The following KCNH1 variants were observed in gnomAD, a reference collection of about 807,000 sequenced individuals.
KCNH1 encodes the protein voltage-gated delayed rectifier potassium channel KCNH1.
KCNH1 carries 27 observed loss-of-function variants against 69.2 expected under a neutral mutation model. The observed-to-expected ratio is 0.39, with a 90% CI of 0.29 to 0.54. KCNH1 has a LOEUF of 0.54. Ranked by LOEUF, KCNH1 falls within the 20% of genes least tolerant of loss-of-function variation. KCNH1 has a pLI of 0.68. For missense variants in KCNH1, 798 were observed against 1,261.6 expected (o/e 0.63, Z 5.57); for synonymous variants, 456 against 487.7 (o/e 0.93, Z 0.86).
chr1:210,774,249 G>T (rs1683814140), intron 10 of KCNH1, among the ~76,000 whole-genome samples: 1 of 152,202 alleles, frequency 6.6e-6, no homozygotes, highest in Non-Finnish European at 1.5e-5. Context: ...ACTGAGGGCA[G>T]ACACGAGGCA....
At position 211,069,229 on chromosome 1, in the gene KCNH1, C is replaced by T. The variant is rs185159885; in HGVS notation, c.558+13551G>A. 1.1e-4 allele frequency among the ~76,000 whole-genome samples: 17 copies of T among 152,206 alleles called. No homozygotes were observed. In the East Asian group the frequency reaches 3.3e-3, roughly 29 times the overall value. Reference sequence around the variant, plus strand: ...AACTCGTGAAATTCATAGCCCGGGGCACAGACTCACTAAAAACTGAGACCT... The same window carrying T: ...AACTCGTGAAATTCATAGCCCGGGGTACAGACTCACTAAAAACTGAGACCT... On this transcript the variant is annotated intron_variant, in intron 5 of 10. Transcript: ENST00000271751.
At chr1:210,913,110 G>C (rs1219846563) in intron 7 of KCNH1, among the ~76,000 whole-genome samples, 3 of 152,198 alleles carry the variant, frequency 2.0e-5, no homozygotes, top group Non-Finnish European at 4.4e-5. Context: ...GTAGTCTAAG[G>C]TTGTGTCCAA....
intron 2 of KCNH1, among the ~76,000 whole-genome samples, chr1:211,105,912 T>C (rs1691340481): frequency 6.6e-6 from 1 of 152,258 alleles, no homozygotes; most frequent in Non-Finnish European, 1.5e-5. Flanking sequence ...AATTTTCTAT[T>C]TCTCAGTCCC....
chr1:211,038,173 G>A (rs1035881506), intron 5 of KCNH1, among the ~76,000 whole-genome samples: 1 of 151,992 alleles, frequency 6.6e-6, no homozygotes, highest in African/African-American at 2.4e-5. Flanking sequence ...GTGTTAGCCA[G>A]GATGGTCTCG....
At chr1:211,010,068 GT>G (rs1161609472) in intron 6 of KCNH1, among the ~76,000 whole-genome samples, 1 of 152,186 alleles carries the variant, frequency 6.6e-6, no homozygotes, top group Non-Finnish European at 1.5e-5. Flanking sequence ...GGAATTCCAC[GT>G]GAGCTGAAGT....
intron 6 of KCNH1, among the ~76,000 whole-genome samples, chr1:211,015,215 A>G (rs1689471491): frequency 1.3e-5 from 2 of 152,298 alleles, no homozygotes; most frequent in South Asian, 4.1e-4. Context: ...ACATTCAGCC[A>G]AGCCAAGGAG....
chr1:210,929,317 A>G (rs1687636734), intron 6 of KCNH1, among the ~76,000 whole-genome samples: 1 of 152,240 alleles, frequency 6.6e-6, no homozygotes, highest in Admixed American at 6.5e-5. Flanking sequence ...CATATTAAAA[A>G]GATAAACCAC....
intron 7 of KCNH1, among the ~76,000 whole-genome samples, chr1:210,837,399 C>A (rs572001120): frequency 3.9e-5 from 6 of 152,234 alleles, no homozygotes; most frequent in African/African-American, 1.4e-4. Flanking sequence ...TCCTTAAGGG[C>A]AGAACGTTCA....
At chr1:210,772,572 C>G in intron 10 of KCNH1, among the ~76,000 whole-genome samples, 1 of 151,684 alleles carries the variant, frequency 6.6e-6, no homozygotes, top group East Asian at 1.9e-4. Context: ...ACTAAACTTC[C>G]TCTGGATCCA....
intron 7 of KCNH1, among the ~76,000 whole-genome samples, chr1:210,867,769 A>T (rs1162906634): frequency 1.3e-5 from 2 of 152,048 alleles, no homozygotes; most frequent in Non-Finnish European, 2.9e-5. Context: ...TAAATCCTAC[A>T]GCATGTACTA....
At chr1:210,688,664 G>A (rs1018233580) in intron 10 of KCNH1, among the ~76,000 whole-genome samples, 3 of 152,080 alleles carry the variant, frequency 2.0e-5, no homozygotes, top group African/African-American at 7.2e-5. Context: ...TCTCTTCCTG[G>A]CTGATTTTAT....
At chr1:210,910,779 T>C (rs1687212950) in intron 7 of KCNH1, among the ~76,000 whole-genome samples, 1 of 152,284 alleles carries the variant, frequency 6.6e-6, no homozygotes, top group Admixed American at 6.5e-5. Context: ...TAATGTGCTC[T>C]GCACACAGTA....
intron 5 of KCNH1, among the ~76,000 whole-genome samples, chr1:211,048,978 A>G (rs1203180426): frequency 6.6e-6 from 1 of 152,226 alleles, no homozygotes; most frequent in Non-Finnish European, 1.5e-5. Context: ...GAGACCAAGA[A>G]AAGCAGAACT....
At chr1:210,878,685 A>C (rs1192862863) in intron 7 of KCNH1, among the ~76,000 whole-genome samples, 1 of 152,112 alleles carries the variant, frequency 6.6e-6, no homozygotes, top group Admixed American at 6.6e-5. Context: ...GAAAAGAAGA[A>C]AGATCTAAAA....
At chr1:210,697,197 T>C (rs114923548) in intron 10 of KCNH1, among the ~76,000 whole-genome samples, 13 of 152,300 alleles carry the variant, frequency 8.5e-5, no homozygotes, top group African/African-American at 3.1e-4. Context: ...AAAAAATTCA[T>C]GCTTCTTTGC....
At chr1:211,122,216 A>G (rs193087078) in intron 1 of KCNH1, among the ~76,000 whole-genome samples, 59 of 152,318 alleles carry the variant, frequency 3.9e-4, no homozygotes, top group East Asian at 1.2e-3. Context: ...GCCAACAAAC[A>G]TATGAAAAAA....
chr1:211,117,624 C>A (rs1398214136), intron 1 of KCNH1, among the ~76,000 whole-genome samples: 1 of 152,162 alleles, frequency 6.6e-6, no homozygotes, highest in African/African-American at 2.4e-5. Context: ...AAAAGATACT[C>A]TATTAATCTA....
intron 10 of KCNH1, among the ~76,000 whole-genome samples, chr1:210,749,658 T>G (rs1233878313): frequency 6.6e-6 from 1 of 152,020 alleles, no homozygotes; most frequent in Non-Finnish European, 1.5e-5. Context: ...TAGAAATAAC[T>G]TGGGACATAG....
chr1:211,009,341 A>C (rs893837851), intron 6 of KCNH1, among the ~76,000 whole-genome samples: 1 of 152,232 alleles, frequency 6.6e-6, no homozygotes, highest in East Asian at 1.9e-4. Context: ...AGCAGAAACA[A>C]CAAGTACAGA....
Sources: gnomAD v4.1 joint callset for allele counts (sites outside exome capture counted in the v4.1 genomes callset) on GRCh38, gnomAD v4.1.1 for gene constraint, MANE v1.5 for transcripts, NCBI Gene and HGNC (gene_info 2026-07-23, HGNC 2026-07-21) for gene names.